Variants in FN3K observed in about 807,000 individuals in gnomAD.
FN3K encodes the protein fructosamine-3-kinase.
In FN3K, 24 loss-of-function variants were observed where a neutral mutation model predicts 24.8. The ratio of observed to expected loss-of-function variants is 0.97; its 90% CI spans 0.70 to 1.36. The LOEUF is 1.36. Among genes scored for constraint, FN3K ranks in the 40% most tolerant of loss-of-function variants. The pLI is 0.00. For synonymous variants in FN3K, 192 were observed against 175.2 expected, an observed-to-expected ratio of 1.10 and a Z score of -0.76; for missense variants, 449 against 416.7, an observed-to-expected ratio of 1.08 and a Z score of -0.67.
At chr17:82,742,609 CA>C (rs1186677364) in intron 4 of FN3K, 1 of 431,954 alleles carries the variant, frequency 2.3e-6, no homozygotes. Context: ...CGTTTCTTTA[CA>C]TATTCCTTTT....
rs1432747737 is a variant in FN3K, at chr17:82,741,302, TGTCAACAGGCCGAA to T, written c.386-7_392del. The T allele has an allele frequency of 6.2e-7, 1 of 1,613,102 alleles. No individual in the cohort carries two copies. Among genetic ancestry groups the T allele is most frequent in the African/African-American group, 1.3e-5 (1 of 74,912 alleles). On this transcript the variant is annotated splice_acceptor_variant and splice_polypyrimidine_tract_variant and coding_sequence_variant and intron_variant, in exon 4 of 6. Transcript: ENST00000300784. LOFTEE classifies it high-confidence loss of function. ...ACAGCTCCTTCAGGCCAAGGATCTC[TGTCAACAGGCCGAA>T]GAGGTGAGGGTGCTGAGCCTCAGTA...
At chr17:82,739,148 A>C (rs1004718273) in intron 2 of FN3K, among the ~76,000 whole-genome samples, 1 of 151,516 alleles carries the variant, frequency 6.6e-6, no homozygotes, top group African/African-American at 2.4e-5. Context: ...GGGTTTCACC[A>C]TGTTGGCTGA....
chr17:82,750,578 GT>G lies in FN3K; in HGVS notation c.756del (p.Phe252LeufsTer35). 2 of 1,614,168 alleles carry G rather than the reference GT, an allele frequency of 1.2e-6. No individual in the cohort carries two copies. The highest frequency in any genetic ancestry group is 1.7e-6 in the Non-Finnish European group (2 of 1,180,032). The stretch of plus-strand genomic sequence containing the variant: ...AGTTTGAACTGGCAATCGCCTTGAT[GT>G]TTGGGGGGTTCCCCAGATCCTTCTT... The part of the protein sequence containing the change: ...SEFELAIALM[F>X]GGFPRSFFTA... On this transcript the variant is annotated frameshift_variant, in exon 6 of 6. Transcript: ENST00000300784. LOFTEE classifies it low-confidence loss of function (END_TRUNC).
At chr17:82,750,386 C>T (rs1268337332) in intron 5 of FN3K, 31 bp from the exon 6 acceptor site, 1 of 1,591,868 alleles carries the variant, frequency 6.3e-7, no homozygotes. Flanking sequence ...CTCCCAGAGG[C>T]CAGCGATAAC....
chr17:82,738,368 G>A (rs1356507602), intron 1 of FN3K, 121 bp from the exon 2 acceptor site: 1 of 1,390,192 alleles, frequency 7.2e-7, no homozygotes, highest in Non-Finnish European at 1.0e-6. Context: ...CTCCCAGCCA[G>A]AGCCAGCTAT....
chr17:82,738,274 C>T (rs527371481), intron 1 of FN3K: 59 of 595,554 alleles, frequency 9.9e-5, no homozygotes, highest in Middle Eastern at 4.5e-4. Flanking sequence ...ACACCCCTCA[C>T]GGCCCAGGCT....
At chr17:82,749,466 C>A (rs2046988328) in intron 5 of FN3K, 1 of 267,542 alleles carries the variant, frequency 3.7e-6, no homozygotes, top group Non-Finnish European at 7.3e-6. Flanking sequence ...GAGTTTGAGA[C>A]CAGCCTGGCC....
chr17:82,741,982 A>C (rs1323492333), intron 4 of FN3K, among the ~76,000 whole-genome samples: 1 of 151,996 alleles, frequency 6.6e-6, no homozygotes, highest in East Asian at 1.9e-4. Context: ...ATCTCGACCC[A>C]CCGCAACATC....
chr17:82,741,191 C>T (rs1192918157), intron 3 of FN3K, 120 bp from the exon 4 acceptor site: 3 of 867,416 alleles, frequency 3.5e-6, no homozygotes, highest in Non-Finnish European at 3.8e-6. Flanking sequence ...GTATGTAGTA[C>T]ATCCTCAGAC....
intron 4 of FN3K, among the ~76,000 whole-genome samples, chr17:82,744,462 G>A (rs1274824654): frequency 6.6e-6 from 1 of 152,172 alleles, no homozygotes; most frequent in East Asian, 1.9e-4. Flanking sequence ...TGTCACTGTA[G>A]ATTAGTTTGC....
At chr17:82,739,374 C>T (rs916930699) in intron 2 of FN3K, among the ~76,000 whole-genome samples, 13 of 150,634 alleles carry the variant, frequency 8.6e-5, no homozygotes, top group Admixed American at 1.3e-4. Flanking sequence ...CTGCAAACTC[C>T]GCCTCCTGGG....
chr17:82,741,196 T>G lies in FN3K; in HGVS notation c.386-115T>G, dbSNP rs188567883. ...AATTGCTACTGTATGTAGTACATCC[T>G]CAGACCACCTATATTCTAGCATGCG... On this transcript the variant is annotated intron_variant, in intron 3 of 5. Transcript: ENST00000300784. 1.6e-5 allele frequency: 15 copies of G among 918,148 alleles called. No individual in the cohort carries two copies. The African/African-American group carries it at 1.8e-4, about 11-fold the overall frequency. 56.9% of individuals were successfully genotyped at this position (918,148 alleles called of 1,614,324 possible). A position where few individuals can be genotyped will look rare whatever the true frequency, so the allele number is the denominator to read the frequency against.
At chr17:82,750,345 T>C in intron 5 of FN3K, 72 bp from the exon 6 acceptor site, 2 of 1,385,496 alleles carry the variant, frequency 1.4e-6, no homozygotes, top group South Asian at 2.3e-5. Flanking sequence ...GGCTTTGCCT[T>C]ATTTCCAAGA....
chr17:82,744,719 TG>T (rs59650929), intron 4 of FN3K, among the ~76,000 whole-genome samples: 2,398 of 152,204 alleles, frequency 0.016, 62 homozygotes, highest in African/African-American at 0.054. Flanking sequence ...CATTCGTGGG[TG>T]TTTCTCCGAG....
At position 82,735,628 on chromosome 17, in the gene FN3K, C is replaced by T; in HGVS notation, c.-9C>T. The T allele has an allele frequency of 1.3e-6, 2 of 1,521,284 alleles. No individual in the cohort carries two copies. Among genetic ancestry groups the T allele is most frequent in the Admixed American group, 2.0e-5 (1 of 50,158 alleles). 94.2% of individuals were successfully genotyped at this position (1,521,284 alleles called of 1,614,324 possible). Reference sequence around the variant, plus strand: ...TTCCGAGCGAGCAGAGTCCCGCGCCCCGCACTCCATGGAGCAGCTGCTGCG... The same window carrying T: ...TTCCGAGCGAGCAGAGTCCCGCGCCTCGCACTCCATGGAGCAGCTGCTGCG... On this transcript the variant is annotated 5_prime_UTR_variant, in exon 1 of 6. Coordinates refer to ENST00000300784, the MANE Select transcript of FN3K (RefSeq NM_022158.4).
chr17:82,750,443 C>T lies in FN3K; in HGVS notation c.618C>T (p.Gly206=), dbSNP rs745545273. The change falls in exon 6 of 6, where the codon GGC becomes GGT. Residue 206 remains glycine (G), a synonymous_variant. Transcript: ENST00000300784. ...LQVKIPDLFC[G]LEIVPALLHG... is the part of the protein sequence containing the mutation. ...TGAAGATCCCGGATCTGTTTTGTGG[C>T]CTAGAGATTGTCCCCGCGTTGCTCC... 5 of 1,614,162 alleles carry T rather than the reference C, an allele frequency of 3.1e-6. No individual in the cohort carries two copies. The highest frequency in any genetic ancestry group is 2.2e-5 in the East Asian group (1 of 44,876).
At chr17:82,742,609 CAT>C in intron 4 of FN3K, 1 of 432,072 alleles carries the variant, frequency 2.3e-6, no homozygotes, top group Non-Finnish European at 4.6e-6. Context: ...CGTTTCTTTA[CAT>C]ATTCCTTTTT....
chr17:82,738,101 G>T (rs992169863), intron 1 of FN3K: 2 of 212,100 alleles, frequency 9.4e-6, no homozygotes, highest in South Asian at 1.6e-4. Context: ...CTCCAGTGAG[G>T]CCTCTGCTGT....
At chr17:82,749,984 G>T (rs1030236384) in intron 5 of FN3K, 41 of 210,004 alleles carry the variant, frequency 2.0e-4, no homozygotes, top group African/African-American at 9.0e-4. Flanking sequence ...CTTGAATCCG[G>T]GAGGCGGAGG....
Sources: allele counts gnomAD v4.1 joint callset (sites outside exome capture counted in the v4.1 genomes callset), GRCh38; gene constraint gnomAD v4.1.1; transcripts MANE v1.5; gene names NCBI Gene and HGNC (gene_info 2026-07-23, HGNC 2026-07-21).